The following ZNF189 variants were observed in gnomAD, a reference collection of about 807,000 sequenced individuals.
ZNF189 encodes zinc finger protein 189.
Under a neutral mutation model 53.5 loss-of-function variants are expected in ZNF189, and 33 were observed. The ratio of observed to expected loss-of-function variants is 0.62; its 90% CI spans 0.47 to 0.82. The LOEUF (loss-of-function observed/expected upper bound fraction) is 0.82. Among genes scored for constraint, ZNF189 ranks in the 40% least tolerant of loss-of-function variants. ZNF189 has a pLI of 0.00. For synonymous variants in ZNF189, 247 were observed against 238.8 expected, an observed-to-expected ratio of 1.03 and a Z score of -0.32; for missense variants, 711 against 753.9, an observed-to-expected ratio of 0.94 and a Z score of 0.67.
intron 2 of ZNF189, among the ~76,000 whole-genome samples, chr9:101,406,831 T>C (rs1452160550): frequency 6.6e-6 from 1 of 152,120 alleles, no homozygotes; most frequent in East Asian, 1.9e-4. Flanking sequence ...TATATGACAC[T>C]CTGTTATATC....
At chr9:101,402,843 G>C (rs1308012141) in intron 2 of ZNF189, among the ~76,000 whole-genome samples, 4 of 151,996 alleles carry the variant, frequency 2.6e-5, no homozygotes, top group Non-Finnish European at 4.4e-5. Context: ...CTCTTAACTG[G>C]ATTATTACAT....
rs1482921406 is a variant in ZNF189 at position 101,399,964 on chromosome 9, G to A, written c.114G>A (p.Leu38=). ...WDYLDPAQRS[L]YKDVMMENYG... ...ATCTGGACCCAGCTCAGAGAAGCCT[G>A]TATAAAGATGTCATGATGGAGAATT... Residue 38 remains leucine (L), a synonymous_variant, in exon 2 of 3, where the codon CTG becomes CTA. Transcript: ENST00000339664. The A allele has an allele frequency of 3.7e-6, 6 of 1,614,170 alleles. No homozygotes were observed. Among genetic ancestry groups the A allele is most frequent in the East Asian group, 2.2e-5 (1 of 44,874 alleles).
rs1473171531 is a variant in ZNF189 at position 101,409,363 on chromosome 9, G to A, written c.1595G>A (p.Gly532Asp). Reference protein sequence around the residue: ...SQLCNLIRHQGVHTGNKPHKC... With the variant: ...SQLCNLIRHQDVHTGNKPHKC... ...CTTTGTAATCTTATTCGACATCAGG[G>A]TGTTCACACAGGTAATAAACCCCAT... is the stretch of plus-strand genomic sequence containing the variant. Residue 532 changes from glycine to aspartate, a missense_variant, in exon 3 of 3, where the codon GGT (glycine) becomes GAT (aspartate). Coordinates refer to ENST00000339664, the MANE Select transcript of ZNF189 (RefSeq NM_003452.4). 1 of 1,614,126 alleles carries A rather than the reference G, an allele frequency of 6.2e-7. No homozygotes were observed. The highest frequency in any genetic ancestry group is 8.5e-7 in the Non-Finnish European group (1 of 1,180,020).
intron 2 of ZNF189, among the ~76,000 whole-genome samples, chr9:101,403,723 T>C (rs756903848): frequency 1.3e-5 from 2 of 152,194 alleles, no homozygotes; most frequent in African/African-American, 2.4e-5. Flanking sequence ...CTGGTCTTTG[T>C]TCCTCTTTTT....
In ZNF189 at chr9:101,409,593, A is replaced by G. The variant is rs141381160; in HGVS notation, c.1825A>G (p.Asn609Asp). 39 of 1,613,386 alleles carry G rather than the reference A, an allele frequency of 2.4e-5. No individual in the cohort carries two copies. The highest frequency in any genetic ancestry group is 3.2e-5 in the Non-Finnish European group (38 of 1,179,874). The change falls in exon 3 of 3, where the codon AAT becomes GAT. Residue 609 changes from asparagine to aspartate, a missense_variant. Coordinates refer to ENST00000339664, the MANE Select transcript of ZNF189 (RefSeq NM_003452.4). The stretch of plus-strand genomic sequence containing the variant: ...ATGTGACGCTTGTGGTGAAGCCTTT[A>G]ATTGCCGTATTTCTCTTATTCAGCA... ...HECDACGEAF[N>D]CRISLIQHQK...
chr9:101,399,206 C>A lies in ZNF189; in HGVS notation c.33+17C>A. On this transcript the variant is annotated intron_variant, in intron 1 of 2. Transcript: ENST00000339664. Reference sequence around the variant, plus strand: ...GAGTCGAAGGTAAGTAAGCACCCCCCCGGGGATCCCGGTTGTCTCGCCGCT... The same window carrying A: ...GAGTCGAAGGTAAGTAAGCACCCCCACGGGGATCCCGGTTGTCTCGCCGCT... 3.8e-6 allele frequency: 6 copies of A among 1,577,406 alleles called. No individual in the cohort carries two copies. Among genetic ancestry groups the A allele is most frequent in the African/African-American group, 1.3e-5 (1 of 74,126 alleles).
At chr9:101,403,464 C>T (rs2118209976) in intron 2 of ZNF189, among the ~76,000 whole-genome samples, 1 of 152,306 alleles carries the variant, frequency 6.6e-6, no homozygotes, top group Middle Eastern at 3.4e-3. Context: ...TCTTCTACAT[C>T]ATCTTAACTG....
rs747551103 is a variant in ZNF189 at position 101,408,856 on chromosome 9, A to G, written c.1088A>G (p.Gln363Arg). Residue 363 changes from glutamine (Q) to arginine (R), a missense_variant, in exon 3 of 3, where the codon CAG becomes CGG. Transcript: ENST00000339664. ...FSRSSFLIEH[Q>R]RIHTGERPYQ... ...CGGAGCTCATTCCTTATTGAACATC[A>G]GAGGATCCATACTGGTGAAAGACCT... 6.2e-7 allele frequency: 1 copy of G among 1,614,176 alleles called. No homozygotes were observed. The highest frequency in any genetic ancestry group is 1.7e-5 in the Admixed American group (1 of 60,022).
intron 2 of ZNF189, among the ~76,000 whole-genome samples, chr9:101,405,183 A>G (rs1365001333): frequency 2.0e-5 from 3 of 152,196 alleles, no homozygotes; most frequent in African/African-American, 7.2e-5. Flanking sequence ...GCTTGATTCG[A>G]TCTTAAAGGT....
rs1380440198 is a variant in ZNF189, at chr9:101,408,081, G to T, written c.313G>T (p.Gly105Cys). The change falls in exon 3 of 3, where the codon GGT becomes TGT. Residue 105 changes from glycine to cysteine, a missense_variant. Gly to Cys is a radical substitution (Grantham distance 159). Coordinates refer to ENST00000339664, the MANE Select transcript of ZNF189 (RefSeq NM_003452.4). ...GGGTAGAGAAACATTTGAACTTGTT[G>T]GTAGGTTAGATAAACAAAGAGGGAT... ...PMGRETFELVGRLDKQRGIFL... is the reference protein window; with the variant it reads ...PMGRETFELVCRLDKQRGIFL... 2.5e-6 allele frequency: 4 copies of T among 1,613,944 alleles called. No homozygotes were observed. In the East Asian group the frequency reaches 8.9e-5, roughly 36 times the overall value.
In ZNF189 at chr9:101,409,102, T is replaced by C. The variant is rs1276659334; in HGVS notation, c.1334T>C (p.Ile445Thr). 1 of 1,613,758 alleles carries C rather than the reference T, an allele frequency of 6.2e-7. No homozygotes were observed. The highest frequency in any genetic ancestry group is 1.3e-5 in the African/African-American group (1 of 74,876). Residue 445 changes from isoleucine to threonine, a missense_variant, in exon 3 of 3, where the codon ATA becomes ACA. Physicochemically the swap from Ile to Thr is moderately conservative, Grantham distance 89 (BLOSUM62 -1). Coordinates refer to ENST00000339664, the MANE Select transcript of ZNF189 (RefSeq NM_003452.4). ...ESFDPNCSLVIQQEVYPKEKS... is the reference protein window; with the variant it reads ...ESFDPNCSLVTQQEVYPKEKS... The stretch of plus-strand genomic sequence containing the variant: ...TTTGATCCAAATTGCAGTCTTGTTA[T>C]ACAGCAGGAAGTCTACCCTAAGGAG...
chr9:101,405,034 T>G (rs541308338), intron 2 of ZNF189, among the ~76,000 whole-genome samples: 9 of 152,278 alleles, frequency 5.9e-5, no homozygotes, highest in African/African-American at 2.2e-4. Flanking sequence ...TGAGGGACAT[T>G]TAGTAAATGA....
intron 2 of ZNF189, 74 bp downstream of exon 2, chr9:101,400,084 C>T (rs1830478645): frequency 9.6e-6 from 15 of 1,560,556 alleles, no homozygotes; most frequent in Non-Finnish European, 1.1e-5. Context: ...AACATTTGGA[C>T]GGAAACCAGT....
chr9:101,407,487 G>A (rs113029192), intron 2 of ZNF189: 5 of 399,820 alleles, frequency 1.3e-5, no homozygotes, highest in African/African-American at 6.2e-5. Context: ...TTGGGCTTAA[G>A]TGATCAATCC....
At chr9:101,401,751 A>G (rs535495990) in intron 2 of ZNF189, among the ~76,000 whole-genome samples, 296 of 152,310 alleles carry the variant, frequency 1.9e-3, no homozygotes, top group Non-Finnish European at 3.8e-3. Context: ...CAAATGCAGT[A>G]GACTCTTTTG....
chr9:101,399,432 C>G, intron 1 of ZNF189: 2 of 1,357,382 alleles, frequency 1.5e-6, no homozygotes. Context: ...ATAAGTAATG[C>G]TCCAGACTAG....
Position 101,410,485 on chromosome 9 carries a change from G to A in ZNF189, c.*836G>A, listed in dbSNP as rs540733809. On this transcript the variant is annotated 3_prime_UTR_variant, in exon 3 of 3. Coordinates refer to ENST00000339664, the MANE Select transcript of ZNF189 (RefSeq NM_003452.4). ...AGTATTGGAAATGAAAAGACCTGGA[G>A]TCTATGCTAGGAAGCTGAGATATTT... The A allele has an allele frequency of 2.0e-5, 3 of 152,398 alleles. No individual in the cohort carries two copies. Among genetic ancestry groups the A allele is most frequent in the East Asian group, 1.9e-4 (1 of 5,182 alleles). 9.4% of individuals were successfully genotyped at this position (152,398 alleles called of 1,614,324 possible). A position where few individuals can be genotyped will look rare whatever the true frequency, so the allele number is the denominator to read the frequency against.
At chr9:101,405,036 A>G (rs1358106003) in intron 2 of ZNF189, among the ~76,000 whole-genome samples, 1 of 152,232 alleles carries the variant, frequency 6.6e-6, no homozygotes, top group Non-Finnish European at 1.5e-5. Flanking sequence ...AGGGACATTT[A>G]GTAAATGAGA....
intron 1 of ZNF189, among the ~76,000 whole-genome samples, 182 bp from the exon 2 acceptor site, chr9:101,399,702 T>C (rs1484543170): frequency 6.6e-6 from 1 of 152,242 alleles, no homozygotes; most frequent in Non-Finnish European, 1.5e-5. Context: ...CCGTAGGTCC[T>C]TTCTAGTCTG....
Sources: allele counts gnomAD v4.1 joint callset (sites outside exome capture counted in the v4.1 genomes callset), GRCh38; gene constraint gnomAD v4.1.1; transcripts MANE v1.5; gene names NCBI Gene and HGNC (gene_info 2026-07-23, HGNC 2026-07-21).